The following ACOXL variants were observed in gnomAD, a reference collection of about 807,000 sequenced individuals.
The protein encoded by ACOXL is acyl-coenzyme A oxidase-like protein.
A neutral mutation model predicts 71.9 loss-of-function variants in ACOXL; 70 were observed. That is an observed-to-expected ratio of 0.97 (90% CI 0.80 to 1.19). The LOEUF is 1.19. Among genes scored for constraint, ACOXL ranks in the 50% most tolerant of loss-of-function variants. The pLI is 0.00. For missense variants in ACOXL, 703 were observed against 736.3 expected (o/e 0.95, Z 0.52); for synonymous variants, 253 against 281.6 (o/e 0.90, Z 1.02).
intron 12 of ACOXL, among the ~76,000 whole-genome samples, chr2:110,985,071 G>C (rs1386796617): frequency 6.6e-6 from 1 of 152,238 alleles, no homozygotes; most frequent in Non-Finnish European, 1.5e-5. Flanking sequence ...TGCAGCAAGA[G>C]TGAGATAGAG....
At chr2:111,114,506 G>C (rs1405461026) in intron 17 of ACOXL, among the ~76,000 whole-genome samples, 1 of 152,174 alleles carries the variant, frequency 6.6e-6, no homozygotes, top group East Asian at 1.9e-4. Context: ...GACATTTCAA[G>C]TTTGGGTAAG....
chr2:111,116,460 T>C (rs4849403), intron 17 of ACOXL, among the ~76,000 whole-genome samples: 65,427 of 151,868 alleles, frequency 0.43, 14,578 homozygotes, highest in Non-Finnish European at 0.48. Context: ...CCCTATTTCC[T>C]CCACCTTCCT....
At position 111,049,231 on chromosome 2, in the gene ACOXL, G is replaced by A; in HGVS notation, c.1383G>A (p.Gln461=). The A allele has an allele frequency of 6.2e-7, 1 of 1,611,968 alleles. No homozygotes were observed. The highest frequency in any genetic ancestry group is 8.5e-7 in the Non-Finnish European group (1 of 1,177,996). The change falls in exon 16 of 18, where the codon CAG becomes CAA. Residue 461 remains glutamine (Q), a synonymous_variant. Coordinates refer to ENST00000439055, the MANE Select transcript of ACOXL (RefSeq NM_001142807.4). ...CTTCCCTTCCAGTTACCTTAGAGCA[G>A]TTCTCCCTAGCAGTGAAGAGCTGTC... ...LAHTHRVTLE[Q]FSLAVKSCPD...
At chr2:111,062,461 A>G (rs958324068) in intron 16 of ACOXL, among the ~76,000 whole-genome samples, 9 of 152,130 alleles carry the variant, frequency 5.9e-5, no homozygotes, top group African/African-American at 2.2e-4. Flanking sequence ...CCCTTAGCAT[A>G]TAGGATCTAT....
At chr2:111,040,280 C>T (rs1574569442) in intron 15 of ACOXL, among the ~76,000 whole-genome samples, 2 of 152,160 alleles carry the variant, frequency 1.3e-5, no homozygotes, top group Non-Finnish European at 2.9e-5. Context: ...GACCATAGGA[C>T]CAATACAGCA....
At chr2:110,908,001 C>T (rs998343798) in intron 10 of ACOXL, among the ~76,000 whole-genome samples, 3 of 152,244 alleles carry the variant, frequency 2.0e-5, no homozygotes, top group Admixed American at 6.5e-5. Context: ...CATAAACCAG[C>T]GTTAAACTCA....
intron 14 of ACOXL, chr2:111,017,925 T>G (rs1284274342): frequency 2.6e-5 from 4 of 152,196 alleles, no homozygotes; most frequent in African/African-American, 4.8e-5. Context: ...GCAAAGACAT[T>G]CATAAGTTTT....
intron 16 of ACOXL, among the ~76,000 whole-genome samples, chr2:111,056,176 T>A (rs80210950): frequency 0.013 from 1,864 of 149,080 alleles, 37 homozygotes; most frequent in African/African-American, 0.044. Flanking sequence ...CTCCAGCCTG[T>A]GTGACACAGC....
intron 9 of ACOXL, among the ~76,000 whole-genome samples, chr2:110,829,060 A>C (rs1425373818): frequency 2.0e-5 from 3 of 152,086 alleles, no homozygotes; most frequent in Non-Finnish European, 4.4e-5. Flanking sequence ...ATCTGCCTGC[A>C]TTGGCCTCCC....
chr2:110,874,991 G>A (rs748050410), intron 10 of ACOXL, among the ~76,000 whole-genome samples: 43 of 152,098 alleles, frequency 2.8e-4, no homozygotes, highest in Non-Finnish European at 5.9e-4. Context: ...TCCTGCCACC[G>A]GCAGGATTTT....
intron 12 of ACOXL, chr2:110,968,526 A>G: frequency 1.6e-6 from 2 of 1,244,634 alleles, no homozygotes; most frequent in South Asian, 2.5e-5. Context: ...AGAACAGCGT[A>G]ACTCCAGACA....
In ACOXL at chr2:111,117,759, G is replaced by A; in HGVS notation, c.1686G>A (p.Gln562=). Residue 562 remains glutamine (Q), a synonymous_variant, in exon 18 of 18, where the codon CAG becomes CAA. Transcript: ENST00000439055. The part of the protein sequence containing the change: ...AAWAFYPAPL[Q]PRPREEARSR... ...GGGCTTTCTACCCTGCACCGCTGCAGCCGCGGCCACGGGAAGAGGCGCGCT... is the reference window on the plus strand; with the variant it reads ...GGGCTTTCTACCCTGCACCGCTGCAACCGCGGCCACGGGAAGAGGCGCGCT... 1 of 1,551,388 alleles carries A rather than the reference G, an allele frequency of 6.4e-7. No individual in the cohort carries two copies. The highest frequency in any genetic ancestry group is 2.4e-5 in the East Asian group (1 of 40,918).
rs376926482 is a variant in ACOXL, at chr2:110,921,388, A to ACC, written c.906-12090_906-12089dup. Among the ~76,000 whole-genome samples, 237 of 57,572 alleles carry ACC rather than the reference A, an allele frequency of 4.1e-3. 20 individuals carry two copies. Among genetic ancestry groups the ACC allele is most frequent in the Middle Eastern group, 0.018 (2 of 112 alleles). The allele number at this position is 57,572 out of a possible 152,430, so 37.8% of individuals were successfully genotyped here. ...TCTCTCTCTGTGTCTCTATATATCC[A>ACC]CCCCCCCCCCCCTTTTTTTTTTGAG... On this transcript the variant is annotated intron_variant, in intron 11 of 17. Transcript: ENST00000439055.
intron 4 of ACOXL, 150 bp downstream of exon 4, chr2:110,793,886 C>CT: frequency 1.1e-6 from 1 of 880,206 alleles, no homozygotes. Flanking sequence ...AATTCCAAGA[C>CT]TATCTTTTTT....
intron 16 of ACOXL, among the ~76,000 whole-genome samples, chr2:111,057,701 G>A (rs982398647): frequency 5.3e-5 from 8 of 152,218 alleles, no homozygotes; most frequent in Non-Finnish European, 1.0e-4. Flanking sequence ...GCTATAAGGA[G>A]AAATGGGCCA....
At chr2:110,734,235 A>G (rs1418751314) in intron 1 of ACOXL, among the ~76,000 whole-genome samples, 1 of 152,036 alleles carries the variant, frequency 6.6e-6, no homozygotes, top group Admixed American at 6.6e-5. Context: ...ATATCAGTGG[A>G]TATAACCCAC....
intron 12 of ACOXL, among the ~76,000 whole-genome samples, chr2:110,977,985 A>G (rs2062533148): frequency 6.6e-6 from 1 of 152,218 alleles, no homozygotes; most frequent in Non-Finnish European, 1.5e-5. Context: ...CTTGATGACC[A>G]GGAACCAATG....
chr2:110,798,446 C>T (rs1449001805), intron 5 of ACOXL, among the ~76,000 whole-genome samples, 164 bp from the exon 6 acceptor site: 7 of 152,016 alleles, frequency 4.6e-5, no homozygotes, highest in South Asian at 2.1e-4. Flanking sequence ...TTAGTAGAGA[C>T]GGGGTTTCAC....
At chr2:111,060,324 T>C (rs952233267) in intron 16 of ACOXL, among the ~76,000 whole-genome samples, 1 of 152,006 alleles carries the variant, frequency 6.6e-6, no homozygotes, top group African/African-American at 2.4e-5. Flanking sequence ...CTGGCTCCAA[T>C]AGTAATGAGG....
Sources: gnomAD v4.1 joint callset for allele counts (sites outside exome capture counted in the v4.1 genomes callset) on GRCh38, gnomAD v4.1.1 for gene constraint, MANE v1.5 for transcripts, NCBI Gene and HGNC (gene_info 2026-07-23, HGNC 2026-07-21) for gene names.